Variants in TRPM3 observed in about 807,000 individuals in gnomAD.
TRPM3 encodes the protein transient receptor potential cation channel subfamily M member 3, also known as long transient receptor potential channel 3.
In TRPM3, 77 loss-of-function variants were observed where a neutral mutation model predicts 181.2. The ratio of observed to expected loss-of-function variants is 0.42; its 90% CI spans 0.35 to 0.51. TRPM3 has a LOEUF of 0.51. Among genes scored for constraint, TRPM3 ranks in the 20% least tolerant of loss-of-function variants. The pLI is 0.01. For synonymous variants in TRPM3, 745 were observed against 796.4 expected, an observed-to-expected ratio of 0.94 and a Z score of 1.09; for missense variants, 1,759 against 2,196.7, an observed-to-expected ratio of 0.80 and a Z score of 3.98.
chr9:70,816,145 T>A (rs2092670350), intron 6 of TRPM3, among the ~76,000 whole-genome samples: 1 of 152,210 alleles, frequency 6.6e-6, no homozygotes, highest in African/African-American at 2.4e-5. Context: ...ATTCTCTGTA[T>A]CTTGATCTCT....
At chr9:70,799,943 G>A (rs1010953046) in intron 6 of TRPM3, among the ~76,000 whole-genome samples, 2 of 152,188 alleles carry the variant, frequency 1.3e-5, no homozygotes, top group Non-Finnish European at 2.9e-5. Context: ...ATACTTGATT[G>A]TATCCAGTCA....
chr9:71,132,634 C>T (rs1017730469), intron 1 of TRPM3, among the ~76,000 whole-genome samples: 1 of 152,024 alleles, frequency 6.6e-6, no homozygotes, highest in Non-Finnish European at 1.5e-5. Flanking sequence ...AATGTATTGT[C>T]TTCCTTGACA....
chr9:70,622,839 A>C (rs1048386367), intron 14 of TRPM3, among the ~76,000 whole-genome samples: 1 of 151,538 alleles, frequency 6.6e-6, no homozygotes, highest in Admixed American at 6.6e-5. Context: ...CTCAAACCGA[A>C]TCTCTCTCTC....
chr9:71,191,001 C>A (rs2077987918), intron 1 of TRPM3, among the ~76,000 whole-genome samples: 1 of 151,818 alleles, frequency 6.6e-6, no homozygotes, highest in African/African-American at 2.4e-5. Flanking sequence ...ATATAAACAC[C>A]AGACACCGTT....
At chr9:71,149,494 A>G (rs893532747) in intron 1 of TRPM3, among the ~76,000 whole-genome samples, 3 of 151,966 alleles carry the variant, frequency 2.0e-5, no homozygotes, top group African/African-American at 7.2e-5. Flanking sequence ...GAATGTCTGC[A>G]AAAAAAATTA....
At chr9:71,408,333 C>T (rs1413830923) in intron 1 of TRPM3, among the ~76,000 whole-genome samples, 13 of 152,034 alleles carry the variant, frequency 8.6e-5, no homozygotes, top group Admixed American at 2.6e-4. Context: ...TTGAACCCAT[C>T]GCAAGAAAGC....
chr9:71,044,956 C>T (rs2059263550), intron 1 of TRPM3, among the ~76,000 whole-genome samples: 1 of 152,164 alleles, frequency 6.6e-6, no homozygotes. Flanking sequence ...CAACCATGAA[C>T]CACAGCGCCC....
intron 1 of TRPM3, among the ~76,000 whole-genome samples, chr9:71,160,410 T>TA (rs2076221968): frequency 6.6e-6 from 1 of 152,148 alleles, no homozygotes; most frequent in South Asian, 2.1e-4. Context: ...TACTTACACA[T>TA]AGTAAGTGCT....
At position 70,880,189 on chromosome 9, in the gene TRPM3, C is replaced by T. The variant is rs559257004; in HGVS notation, c.178-15678G>A. On this transcript the variant is annotated intron_variant, in intron 1 of 25. Transcript: ENST00000677713. ...TAGGAAAGCTCTGGATTATCAAATG[C>T]TATTGTAGGGGTACAGAACATTTTT... 4.8e-4 allele frequency among the ~76,000 whole-genome samples: 73 copies of T among 152,164 alleles called. 1 individual carries two copies. The highest frequency in any genetic ancestry group is 1.6e-3 in the African/African-American group (67 of 41,510).
At chr9:71,382,298 T>C (rs2092818557) in intron 1 of TRPM3, among the ~76,000 whole-genome samples, 1 of 152,184 alleles carries the variant, frequency 6.6e-6, no homozygotes, top group Admixed American at 6.6e-5. Flanking sequence ...ATCCAGTTTA[T>C]AGGATTTACC....
At chr9:71,254,840 G>T (rs1235562926) in intron 1 of TRPM3, among the ~76,000 whole-genome samples, 2 of 151,890 alleles carry the variant, frequency 1.3e-5, no homozygotes, top group Non-Finnish European at 2.9e-5. Flanking sequence ...AAAGAAAGAA[G>T]GTGGAATAAA....
chr9:70,597,532 T>C (rs1334013376), intron 21 of TRPM3, among the ~76,000 whole-genome samples: 1 of 152,182 alleles, frequency 6.6e-6, no homozygotes, highest in Non-Finnish European at 1.5e-5. Flanking sequence ...ATTCTTCCTC[T>C]AGTGAGTTTT....
At chr9:70,929,584 G>A (rs2096755236) in intron 1 of TRPM3, among the ~76,000 whole-genome samples, 1 of 152,056 alleles carries the variant, frequency 6.6e-6, no homozygotes, top group Non-Finnish European at 1.5e-5. Flanking sequence ...ACATGTTCTG[G>A]ATAGTCCTTG....
chr9:70,579,484 A>G (rs569780814), intron 22 of TRPM3: 2 of 152,192 alleles, frequency 1.3e-5, no homozygotes, highest in Non-Finnish European at 2.9e-5. Flanking sequence ...TTTGATTTGG[A>G]TGAACTAATG....
intron 1 of TRPM3, among the ~76,000 whole-genome samples, chr9:71,209,335 G>A: frequency 7.0e-6 from 1 of 143,152 alleles, no homozygotes; most frequent in Middle Eastern, 3.3e-3. Context: ...CATGAAAAAT[G>A]GAAGGAGGTG....
chr9:71,307,140 A>C (rs1284999661), intron 1 of TRPM3, among the ~76,000 whole-genome samples: 2 of 152,202 alleles, frequency 1.3e-5, no homozygotes, highest in Non-Finnish European at 2.9e-5. Context: ...TACTGGGTCA[A>C]AGGCCATGAA....
intron 1 of TRPM3, among the ~76,000 whole-genome samples, chr9:71,282,984 C>G (rs977157012): frequency 6.6e-6 from 1 of 152,134 alleles, no homozygotes; most frequent in East Asian, 1.9e-4. Context: ...TCCCAAGGTG[C>G]CATATCGTGA....
At chr9:71,330,340 C>A (rs899929043) in intron 1 of TRPM3, among the ~76,000 whole-genome samples, 2 of 151,846 alleles carry the variant, frequency 1.3e-5, no homozygotes, top group Non-Finnish European at 2.9e-5. Flanking sequence ...GTAGGGCCTG[C>A]TCCAATGAGA....
chr9:70,864,632 T>C (rs1321198526), intron 1 of TRPM3, 121 bp from the exon 2 acceptor site: 1 of 522,180 alleles, frequency 1.9e-6, no homozygotes, highest in Non-Finnish European at 3.1e-6. Context: ...ATATCACAAA[T>C]TGAACTGAAA....
Sources: gnomAD v4.1 joint callset for allele counts (sites outside exome capture counted in the v4.1 genomes callset) on GRCh38, gnomAD v4.1.1 for gene constraint, MANE v1.5 for transcripts, NCBI Gene and HGNC (gene_info 2026-07-23, HGNC 2026-07-21) for gene names.